TEX11: variants seen among roughly 807,000 people sequenced by gnomAD.
The protein encoded by TEX11 is testis-expressed protein 11.
In TEX11, 7 loss-of-function variants were observed where a neutral mutation model predicts 84.4. The observed-to-expected ratio is 0.08, with a 90% CI of 0.05 to 0.16. The LOEUF is 0.16. Among genes scored for constraint, TEX11 ranks in the 10% least tolerant of loss-of-function variants. TEX11 has a pLI of 1.00. For missense variants in TEX11, 551 were observed against 660.5 expected, an observed-to-expected ratio of 0.83 and a Z score of 1.82; for synonymous variants, 264 against 222.8, an observed-to-expected ratio of 1.18 and a Z score of -1.64.
At chrX:70,896,471 A>C (rs1250554618) in intron 2 of TEX11, among the ~76,000 whole-genome samples, 1 of 111,734 alleles carries the variant, frequency 8.9e-6, no homozygotes, top group Non-Finnish European at 1.9e-5. Flanking sequence ...CAATTCCTCA[A>C]GGATCTAGAA....
chrX:70,898,594 T>C (rs1250816242), intron 2 of TEX11, among the ~76,000 whole-genome samples: 1 of 89,870 alleles, frequency 1.1e-5, no homozygotes, highest in Non-Finnish European at 2.1e-5. Flanking sequence ...AATGTCTTTA[T>C]TTTATAAACT....
In TEX11 at chrX:70,701,258, G is replaced by T. The variant is rs2090323826; in HGVS notation, c.1005-18433C>A. On this transcript the variant is annotated intron_variant, in intron 13 of 29. Transcript: ENST00000374333. Reference sequence around the variant, plus strand: ...CAATACCTGGCTTCAAAGCTTGAAAGGTCAGGCTCACTCTCTTGTTAGAGA... The same window carrying T: ...CAATACCTGGCTTCAAAGCTTGAAATGTCAGGCTCACTCTCTTGTTAGAGA... Among the ~76,000 whole-genome samples, 3 of 112,270 alleles carry T rather than the reference G, an allele frequency of 2.7e-5. No individual in the cohort carries two copies. The Admixed American group carries it at 2.8e-4, about 11-fold the overall frequency.
At chrX:70,628,436 C>T (rs749468763) in intron 18 of TEX11, among the ~76,000 whole-genome samples, 57 of 111,132 alleles carry the variant, frequency 5.1e-4, no homozygotes, top group Non-Finnish European at 8.3e-4. Flanking sequence ...GGTTTCCTTC[C>T]GCTGTAGAGA....
chrX:70,638,796 CA>C lies in TEX11; in HGVS notation c.1484-9062del, dbSNP rs746998217. Among the ~76,000 whole-genome samples, 384 of 53,935 alleles carry C rather than the reference CA, an allele frequency of 7.1e-3. 3 individuals carry two copies. Among genetic ancestry groups the C allele is most frequent in the African/African-American group, 0.027 (323 of 11,867 alleles). The allele number at this position is 53,935 out of a possible 115,157, so 46.8% of individuals were successfully genotyped here. A position where few individuals can be genotyped will look rare whatever the true frequency, so the allele number is the denominator to read the frequency against. On this transcript the variant is annotated intron_variant, in intron 17 of 29. Coordinates refer to ENST00000374333, the MANE Select transcript of TEX11 (RefSeq NM_031276.3). ...AGCCTGGGAGACAGAGCAACTGTCT[CA>C]AAAAAAAAAAAAAAAAAGATGAACA...
intron 9 of TEX11, among the ~76,000 whole-genome samples, chrX:70,772,883 T>C (rs2090979723): frequency 9.1e-6 from 1 of 110,338 alleles, no homozygotes; most frequent in Non-Finnish European, 1.9e-5. Context: ...AACAGAAGAC[T>C]CTCTGAAGCA....
At chrX:70,671,908 T>TAC (rs139208221) in intron 15 of TEX11, among the ~76,000 whole-genome samples, 1,363 of 57,176 alleles carry the variant, frequency 0.024, 38 homozygotes, top group African/African-American at 0.082. Flanking sequence ...TATATATATA[T>TAC]ATACACACAC....
chrX:70,529,739 A>T (rs2087859650), intron 29 of TEX11, 96 bp downstream of exon 29: 1 of 895,954 alleles, frequency 1.1e-6, no homozygotes, highest in South Asian at 2.9e-5. Context: ...ATCCTTTCCT[A>T]GCCAAGGAGG....
chrX:70,908,611 C>T (rs1315235434), intron 1 of TEX11, 43 bp downstream of exon 1: 3 of 112,158 alleles, frequency 2.7e-5, no homozygotes, highest in Non-Finnish European at 5.6e-5. Context: ...CTAACTTGTG[C>T]TTGAAGCCTA....
intron 5 of TEX11, among the ~76,000 whole-genome samples, chrX:70,856,071 G>A (rs1419020760): frequency 2.7e-5 from 3 of 112,015 alleles, no homozygotes; most frequent in Admixed American, 9.6e-5. Context: ...TATAGTAATA[G>A]CCTTAAAAGT....
intron 13 of TEX11, among the ~76,000 whole-genome samples, chrX:70,698,628 C>T (rs2090301271): frequency 1.8e-5 from 2 of 110,228 alleles, no homozygotes; most frequent in Non-Finnish European, 1.9e-5. Context: ...GAAACTATTC[C>T]AATTCTCTGT....
chrX:70,815,372 T>C (rs2091280365), intron 8 of TEX11, among the ~76,000 whole-genome samples: 1 of 111,641 alleles, frequency 9.0e-6, no homozygotes. Context: ...CATTTATTAC[T>C]ATAAACTTAT....
chrX:70,550,268 G>A (rs770960674), intron 28 of TEX11, among the ~76,000 whole-genome samples: 3 of 111,890 alleles, frequency 2.7e-5, no homozygotes, highest in African/African-American at 9.7e-5. Flanking sequence ...GACTTAAATC[G>A]AACACCTCAA....
chrX:70,768,140 G>A (rs1199281666), intron 9 of TEX11, among the ~76,000 whole-genome samples: 1 of 111,520 alleles, frequency 9.0e-6, no homozygotes, highest in Non-Finnish European at 1.9e-5. Context: ...TAGTATAATT[G>A]GATTGTTTGT....
At chrX:70,654,910 A>G (rs1481979758) in intron 16 of TEX11, among the ~76,000 whole-genome samples, 1 of 109,833 alleles carries the variant, frequency 9.1e-6, no homozygotes, top group East Asian at 2.8e-4. Flanking sequence ...AAATGTATTA[A>G]AAGTTCAAAG....
chrX:70,664,470 T>G (rs1434757395), intron 16 of TEX11, among the ~76,000 whole-genome samples: 2 of 111,928 alleles, frequency 1.8e-5, no homozygotes, highest in African/African-American at 6.5e-5. Flanking sequence ...CAGCTTCACA[T>G]CATATGTACA....
At position 70,890,471 on chromosome X, in the gene TEX11, G is replaced by A. The variant is rs572036855; in HGVS notation, c.38-10362C>T. Among the ~76,000 whole-genome samples, 7 of 112,107 alleles carry A rather than the reference G, an allele frequency of 6.2e-5. No individual in the cohort carries two copies. The South Asian group carries it at 1.5e-3, about 24-fold the overall frequency. The stretch of plus-strand genomic sequence containing the variant: ...CTAGCCAAGGGAAGCCATGACAGAC[G>A]GTACCTGGAAAAACGGGACACTCCT... On this transcript the variant is annotated intron_variant, in intron 2 of 29. Coordinates refer to ENST00000374333, the MANE Select transcript of TEX11 (RefSeq NM_031276.3).
intron 14 of TEX11, among the ~76,000 whole-genome samples, chrX:70,680,554 C>T (rs1263282648): frequency 1.5e-5 from 1 of 66,489 alleles, no homozygotes; most frequent in Non-Finnish European, 3.0e-5. Context: ...TCCCCCTCTG[C>T]GAGAAACACC....
intron 9 of TEX11, among the ~76,000 whole-genome samples, chrX:70,764,712 T>C (rs1243932022): frequency 9.0e-6 from 1 of 110,974 alleles, no homozygotes; most frequent in Non-Finnish European, 1.9e-5. Flanking sequence ...TGCCAATTAA[T>C]TGAAAAATTT....
chrX:70,729,029 C>T (rs1192396465), intron 11 of TEX11, among the ~76,000 whole-genome samples: 7 of 87,987 alleles, frequency 8.0e-5, no homozygotes, highest in African/African-American at 1.7e-4. Context: ...CTGCAGCCTC[C>T]GCTCTGATAC....
Sources: gnomAD v4.1 joint callset for allele counts (sites outside exome capture counted in the v4.1 genomes callset) on GRCh38, gnomAD v4.1.1 for gene constraint, MANE v1.5 for transcripts, NCBI Gene and HGNC (gene_info 2026-07-23, HGNC 2026-07-21) for gene names.